Variants in RPRD1A observed in about 807,000 individuals in gnomAD.
RPRD1A encodes the protein regulation of nuclear pre-mRNA domain-containing protein 1A.
RPRD1A carries 9 observed loss-of-function variants against 37.8 expected under a neutral mutation model. That is an observed-to-expected ratio of 0.24 (90% CI 0.14 to 0.42). The LOEUF (loss-of-function observed/expected upper bound fraction) is 0.42, where lower values mean the gene tolerates loss of function less well. RPRD1A is among the 10% of genes least tolerant of loss of function. The pLI is 1.00. For missense variants in RPRD1A, 255 were observed against 371.0 expected (o/e 0.69, Z 2.57); for synonymous variants, 138 against 139.7 (o/e 0.99, Z 0.08).
intron 1 of RPRD1A, among the ~76,000 whole-genome samples, chr18:36,061,218 A>AT (rs760634565): frequency 6.6e-6 from 1 of 152,182 alleles, no homozygotes; most frequent in Non-Finnish European, 1.5e-5. Context: ...TATATTTAAA[A>AT]TTTTTTGTTT....
At chr18:36,006,249 G>A (rs568943020) in intron 6 of RPRD1A, among the ~76,000 whole-genome samples, 1 of 152,272 alleles carries the variant, frequency 6.6e-6, no homozygotes, top group East Asian at 1.9e-4. Flanking sequence ...CGTCACCATG[G>A]CTCACTGCAC....
At chr18:36,011,095 A>C (rs562939402) in intron 6 of RPRD1A, among the ~76,000 whole-genome samples, 1 of 152,200 alleles carries the variant, frequency 6.6e-6, no homozygotes, top group Non-Finnish European at 1.5e-5. Flanking sequence ...AAAATCTCCA[A>C]GTTTTTTTTG....
chr18:36,043,504 A>G (rs1372196955), intron 1 of RPRD1A, among the ~76,000 whole-genome samples: 20 of 152,160 alleles, frequency 1.3e-4, no homozygotes, highest in African/African-American at 4.6e-4. Flanking sequence ...TAATTTTTAA[A>G]CCTTCAATTT....
rs114755122 is a variant in RPRD1A, at chr18:36,007,389, C to T, written c.790-14089G>A. On this transcript the variant is annotated intron_variant, in intron 6 of 6. Transcript: ENST00000399022. ...GATAGATATCAGACATGCTAAGTGG[C>T]AAATATTCAGGTGGCTCACGGTATG... is the stretch of plus-strand genomic sequence containing the variant. Among the ~76,000 whole-genome samples the T allele has an allele frequency of 3.7e-3, 560 of 152,192 alleles. 5 individuals are homozygous for T. Among genetic ancestry groups the T allele is most frequent in the African/African-American group, 0.012 (514 of 41,536 alleles).
At chr18:36,057,718 C>T (rs1017930051) in intron 1 of RPRD1A, among the ~76,000 whole-genome samples, 2 of 152,206 alleles carry the variant, frequency 1.3e-5, no homozygotes, top group Non-Finnish European at 2.9e-5. Flanking sequence ...TCAAATAATG[C>T]TGTTCTACAT....
At chr18:36,041,093 T>C (rs1234067521) in intron 1 of RPRD1A, among the ~76,000 whole-genome samples, 1 of 152,210 alleles carries the variant, frequency 6.6e-6, no homozygotes, top group African/African-American at 2.4e-5. Context: ...GTCTCAAATA[T>C]ACTAGAACAA....
At chr18:36,044,751 GCAGGAAATGCA>G (rs1457300940) in intron 1 of RPRD1A, among the ~76,000 whole-genome samples, 3 of 151,794 alleles carry the variant, frequency 2.0e-5, no homozygotes, top group Non-Finnish European at 2.9e-5. Flanking sequence ...GCAAATAAAA[GCAGGAAATGCA>G]CAAAATGTAC....
chr18:36,050,094 G>A (rs1481453490), intron 1 of RPRD1A, among the ~76,000 whole-genome samples: 1 of 152,048 alleles, frequency 6.6e-6, no homozygotes, highest in Non-Finnish European at 1.5e-5. Context: ...AGAAAATGGG[G>A]AGTTAATGTT....
chr18:36,057,475 T>C (rs1320737390), intron 1 of RPRD1A, among the ~76,000 whole-genome samples: 1 of 152,066 alleles, frequency 6.6e-6, no homozygotes, highest in Non-Finnish European at 1.5e-5. Flanking sequence ...TAGCCAGGCA[T>C]GGTGGTGTGC....
intron 1 of RPRD1A, among the ~76,000 whole-genome samples, chr18:36,047,710 A>G (rs1202993356): frequency 6.6e-6 from 1 of 152,180 alleles, no homozygotes. Context: ...TAGGCATATA[A>G]ATTTGACAAC....
rs79490535 is a variant in RPRD1A at position 36,014,984 on chromosome 18, G to T, written c.789+11916C>A. On this transcript the variant is annotated intron_variant, in intron 6 of 6. Coordinates refer to ENST00000399022, the MANE Select transcript of RPRD1A (RefSeq NM_018170.5). ...GATGTGGAGAAAATGGAACCCTCGT[G>T]CTCTGTTGGTGGGAATGCAAAATGT... 9.2e-3 allele frequency among the ~76,000 whole-genome samples: 1,401 copies of T among 152,076 alleles called. 11 individuals carry two copies. The highest frequency in any genetic ancestry group is 0.032 in the African/African-American group (1,325 of 41,482).
At chr18:36,037,551 T>C (rs967369691) in intron 1 of RPRD1A, among the ~76,000 whole-genome samples, 5 of 152,188 alleles carry the variant, frequency 3.3e-5, no homozygotes, top group Non-Finnish European at 5.9e-5. Flanking sequence ...AACAGACTAA[T>C]ACAGTAAATT....
intron 6 of RPRD1A, among the ~76,000 whole-genome samples, chr18:36,016,581 T>C (rs1476149595): frequency 1.3e-5 from 2 of 152,190 alleles, no homozygotes. Context: ...TTTGCTTTTT[T>C]TAAATTATTT....
At chr18:36,046,460 T>G (rs1912959900) in intron 1 of RPRD1A, among the ~76,000 whole-genome samples, 1 of 152,036 alleles carries the variant, frequency 6.6e-6, no homozygotes, top group Non-Finnish European at 1.5e-5. Context: ...GAACTTCTAC[T>G]TGCACACAAC....
intron 6 of RPRD1A, among the ~76,000 whole-genome samples, chr18:36,015,033 G>A (rs963900317): frequency 1.3e-5 from 2 of 151,774 alleles, no homozygotes; most frequent in Admixed American, 6.6e-5. Context: ...AAACCAGTAT[G>A]TCAGTTCTCA....
chr18:36,020,120 C>G (rs1026327541), intron 6 of RPRD1A, among the ~76,000 whole-genome samples: 13 of 152,044 alleles, frequency 8.6e-5, no homozygotes, highest in African/African-American at 2.7e-4. Context: ...AAATAATGAC[C>G]GAAAGTAATG....
At chr18:36,043,980 A>G (rs1413657940) in intron 1 of RPRD1A, among the ~76,000 whole-genome samples, 4 of 152,216 alleles carry the variant, frequency 2.6e-5, no homozygotes, top group Non-Finnish European at 5.9e-5. Flanking sequence ...AATAACACAT[A>G]TTTTGTATGT....
At chr18:36,017,303 A>AACAC (rs149786300) in intron 6 of RPRD1A, among the ~76,000 whole-genome samples, 5 of 151,602 alleles carry the variant, frequency 3.3e-5, no homozygotes, top group African/African-American at 1.2e-4. Context: ...CTTGTCTCAA[A>AACAC]ACACACACAC....
intron 1 of RPRD1A, chr18:36,064,369 G>C (rs531083588): frequency 6.6e-6 from 1 of 152,606 alleles, no homozygotes; most frequent in Non-Finnish European, 1.5e-5. Flanking sequence ...GCAAAGTCCC[G>C]CGGCGAGTGC....
Sources: gnomAD v4.1 joint callset for allele counts (sites outside exome capture counted in the v4.1 genomes callset) on GRCh38, gnomAD v4.1.1 for gene constraint, MANE v1.5 for transcripts, NCBI Gene and HGNC (gene_info 2026-07-23, HGNC 2026-07-21) for gene names.